RGS5: variants seen among roughly 807,000 people sequenced by gnomAD.
RGS5 encodes regulator of G protein signaling 5, also known as regulator of G-protein signalling 5.
RGS5 carries 20 observed loss-of-function variants against 18.9 expected under a neutral mutation model. The observed-to-expected ratio is 1.06, with a 90% CI of 0.74 to 1.54. The LOEUF is 1.54. Among genes scored for constraint, RGS5 ranks in the 40% most tolerant of loss-of-function variants. RGS5 has a pLI of 0.00. For missense variants in RGS5, 201 were observed against 211.8 expected (o/e 0.95, Z 0.32); for synonymous variants, 57 against 76.2 (o/e 0.75, Z 1.31).
intron 1 of RGS5, among the ~76,000 whole-genome samples, chr1:163,194,463 C>A (rs1401448907): frequency 6.6e-6 from 1 of 152,104 alleles, no homozygotes; most frequent in East Asian, 1.9e-4. Context: ...AGGAGTATAA[C>A]AGACCATATA....
At chr1:163,151,814 A>G (rs1657385877) in intron 4 of RGS5, among the ~76,000 whole-genome samples, 1 of 152,154 alleles carries the variant, frequency 6.6e-6, no homozygotes, top group Non-Finnish European at 1.5e-5. Flanking sequence ...GGAATAATAC[A>G]CTGGTTGAAC....
chr1:163,277,419 T>C (rs74672556), intron 2 of RGS5, among the ~76,000 whole-genome samples: 2 of 152,338 alleles, frequency 1.3e-5, no homozygotes, highest in East Asian at 1.9e-4. Context: ...AATTGATTGA[T>C]ACTTGTATCA....
chr1:163,269,000 C>G, intron 2 of RGS5, among the ~76,000 whole-genome samples: 1 of 152,130 alleles, frequency 6.6e-6, no homozygotes, highest in Non-Finnish European at 1.5e-5. Context: ...GATCGCTAGA[C>G]CTCTATGCTG....
intron 2 of RGS5, among the ~76,000 whole-genome samples, chr1:163,271,218 C>G (rs1648708245): frequency 6.6e-6 from 1 of 152,020 alleles, no homozygotes; most frequent in Non-Finnish European, 1.5e-5. Context: ...TATCTGGCAC[C>G]CTTGACATAA....
intron 2 of RGS5, among the ~76,000 whole-genome samples, chr1:163,242,820 C>T (rs2101692304): frequency 6.6e-6 from 1 of 152,164 alleles, no homozygotes; most frequent in South Asian, 2.1e-4. Context: ...GAACCTCTAA[C>T]GTTTTCTGAG....
At chr1:163,239,101 G>C (rs554007898) in intron 2 of RGS5, 2 of 180,110 alleles carry the variant, frequency 1.1e-5, no homozygotes, top group Admixed American at 1.1e-4. Context: ...TCCTGTAACT[G>C]TCATGGCATC....
chr1:163,308,692 T>G (rs1271281784), intron 1 of RGS5: 2 of 152,100 alleles, frequency 1.3e-5, no homozygotes, highest in Non-Finnish European at 2.9e-5. Context: ...GTATTGCAAT[T>G]TAATTGAGAT....
At chr1:163,167,189 G>A (rs1439636496) in intron 2 of RGS5, among the ~76,000 whole-genome samples, 1 of 152,154 alleles carries the variant, frequency 6.6e-6, no homozygotes, top group Non-Finnish European at 1.5e-5. Flanking sequence ...TTTGGACAAA[G>A]GACAGGCTGG....
At chr1:163,176,450 C>T (rs960752842) in intron 1 of RGS5, among the ~76,000 whole-genome samples, 17 of 152,020 alleles carry the variant, frequency 1.1e-4, no homozygotes, top group South Asian at 4.1e-4. Context: ...GGTGAAACCC[C>T]GTCTCTACTA....
At position 163,254,568 on chromosome 1, in the gene RGS5, T is replaced by A. The variant is rs1648217503; in HGVS notation, c.-281+51665A>T. Among the ~76,000 whole-genome samples the A allele has an allele frequency of 2.0e-5, 3 of 152,326 alleles. No homozygotes were observed. In the South Asian group the frequency reaches 6.2e-4, roughly 32 times the overall value. On this transcript the variant is annotated intron_variant, in intron 2 of 5. Coordinates refer to the RGS5 transcript ENST00000618415. The stretch of plus-strand genomic sequence containing the variant: ...ATTAGCCGTTTGTCAGTTGAGTAGG[T>A]TGTGAAAATTTTCTCCCATTTTGTA...
chr1:163,211,311 GTGAA>G (rs1479732924), intron 1 of RGS5: 1 of 152,198 alleles, frequency 6.6e-6, no homozygotes, highest in East Asian at 1.9e-4. Context: ...TGTGAGCAGA[GTGAA>G]TGGAGTGGGA....
chr1:163,172,827 A>G (rs1185614978), intron 1 of RGS5, among the ~76,000 whole-genome samples: 2 of 152,208 alleles, frequency 1.3e-5, no homozygotes, highest in African/African-American at 4.8e-5. Flanking sequence ...GAAATGCTGA[A>G]GTTCAAATCA....
chr1:163,266,090 T>A (rs768173130), intron 2 of RGS5, among the ~76,000 whole-genome samples: 1 of 152,070 alleles, frequency 6.6e-6, no homozygotes, highest in Non-Finnish European at 1.5e-5. Context: ...AGTGTTGAAC[T>A]AATCTCCTAC....
intron 2 of RGS5, chr1:163,300,817 T>C (rs1649533017): frequency 6.6e-6 from 1 of 152,162 alleles, no homozygotes; most frequent in Non-Finnish European, 1.5e-5. Flanking sequence ...ACTGATAAAA[T>C]CACGTACATT....
At chr1:163,266,876 A>C (rs562639284) in intron 2 of RGS5, among the ~76,000 whole-genome samples, 1 of 152,268 alleles carries the variant, frequency 6.6e-6, no homozygotes, top group Admixed American at 6.5e-5. Context: ...ATTTTTAAAG[A>C]AATGGTAAAG....
chr1:163,244,947 T>G, intron 2 of RGS5: 1 of 152,330 alleles, frequency 6.6e-6, no homozygotes, highest in Admixed American at 6.5e-5. Flanking sequence ...TCATATGCCA[T>G]AAGGGCTCAT....
intron 2 of RGS5, among the ~76,000 whole-genome samples, chr1:163,280,721 C>T (rs1187162073): frequency 2.6e-5 from 4 of 151,782 alleles, no homozygotes; most frequent in Non-Finnish European, 4.4e-5. Flanking sequence ...CAATTCCTAC[C>T]CAAAGTAATC....
intron 2 of RGS5, among the ~76,000 whole-genome samples, chr1:163,297,200 G>A (rs1343690814): frequency 1.3e-5 from 2 of 152,142 alleles, no homozygotes; most frequent in African/African-American, 2.4e-5. Flanking sequence ...AGCAAGAGAG[G>A]AGCTGACTAC....
At chr1:163,231,455 G>T (rs925055480) in intron 2 of RGS5, among the ~76,000 whole-genome samples, 2 of 152,140 alleles carry the variant, frequency 1.3e-5, no homozygotes, top group Non-Finnish European at 2.9e-5. Context: ...AGTAACCCAG[G>T]AGAACCTTAG....
Sources: gnomAD v4.1 joint callset for allele counts (sites outside exome capture counted in the v4.1 genomes callset) on GRCh38, gnomAD v4.1.1 for gene constraint, MANE v1.5 for transcripts, NCBI Gene and HGNC (gene_info 2026-07-23, HGNC 2026-07-21) for gene names.